The following ZFPM2 variants were observed in gnomAD, a reference collection of about 807,000 sequenced individuals.
ZFPM2 encodes the protein zinc finger protein ZFPM2.
A neutral mutation model predicts 98.6 loss-of-function variants in ZFPM2; 20 were observed. That is an observed-to-expected ratio of 0.20 (90% CI 0.14 to 0.29). ZFPM2 has a LOEUF of 0.29. Ranked by LOEUF, ZFPM2 falls within the 10% of genes least tolerant of loss-of-function variation. The probability of loss-of-function intolerance (pLI) is 1.00; values close to 1 mark genes in which losing one functional copy is unlikely to be tolerated. For synonymous variants in ZFPM2, 518 were observed against 502.7 expected, an observed-to-expected ratio of 1.03 and a Z score of -0.41; for missense variants, 1,310 against 1,388.6, an observed-to-expected ratio of 0.94 and a Z score of 0.90.
At chr8:105,753,624 A>G (rs1361770379) in intron 5 of ZFPM2, among the ~76,000 whole-genome samples, 1 of 152,028 alleles carries the variant, frequency 6.6e-6, no homozygotes, top group Non-Finnish European at 1.5e-5. Flanking sequence ...ACATGTAACC[A>G]AAAAAAAGTT....
intron 3 of ZFPM2, among the ~76,000 whole-genome samples, chr8:105,466,754 G>T (rs1272964522): frequency 2.6e-5 from 4 of 151,854 alleles, no homozygotes; most frequent in Non-Finnish European, 5.9e-5. Flanking sequence ...CAGGTGAAAT[G>T]ATTTTCTAAA....
intron 4 of ZFPM2, among the ~76,000 whole-genome samples, chr8:105,582,806 T>C (rs1244592778): frequency 6.6e-6 from 1 of 152,032 alleles, no homozygotes; most frequent in Non-Finnish European, 1.5e-5. Flanking sequence ...GTTGCCCCAA[T>C]TGGTTTCAAA....
intron 5 of ZFPM2, among the ~76,000 whole-genome samples, chr8:105,670,704 T>C (rs982038462): frequency 3.3e-5 from 5 of 152,124 alleles, no homozygotes; most frequent in African/African-American, 1.2e-4. Context: ...CTAAAATACA[T>C]ATTGCTTGCT....
At chr8:105,639,190 A>G (rs1816903866) in intron 5 of ZFPM2, among the ~76,000 whole-genome samples, 1 of 152,022 alleles carries the variant, frequency 6.6e-6, no homozygotes, top group Admixed American at 6.6e-5. Flanking sequence ...TCTTTACCTT[A>G]CCTTCTTATA....
At chr8:105,690,695 C>T (rs906796237) in intron 5 of ZFPM2, among the ~76,000 whole-genome samples, 11 of 152,052 alleles carry the variant, frequency 7.2e-5, no homozygotes, top group Non-Finnish European at 1.3e-4. Flanking sequence ...TAACTCACAC[C>T]GCAAATCCCC....
At chr8:105,537,136 A>G (rs981944944) in intron 3 of ZFPM2, among the ~76,000 whole-genome samples, 7 of 152,184 alleles carry the variant, frequency 4.6e-5, no homozygotes, top group African/African-American at 1.7e-4. Flanking sequence ...TTTTAAGACT[A>G]TAAAGCATTG....
At chr8:105,528,072 A>G (rs73304192) in intron 3 of ZFPM2, among the ~76,000 whole-genome samples, 18,196 of 152,170 alleles carry the variant, frequency 0.12, 1,876 homozygotes, top group African/African-American at 0.29. Flanking sequence ...TAGTAGGTAA[A>G]TAAAACATAG....
intron 5 of ZFPM2, chr8:105,785,357 T>A (rs935351029): frequency 6.6e-6 from 1 of 151,850 alleles, no homozygotes; most frequent in African/African-American, 2.4e-5. Flanking sequence ...ACTTGGACTT[T>A]GCAGTTGGAC....
chr8:105,318,847 C>T lies in ZFPM2; in HGVS notation c.-95C>T. On this transcript the variant is annotated 5_prime_UTR_variant, in exon 1 of 8. Transcript: ENST00000407775. ...CCGGCGGCGGGCCGAGCCTGGCCAG[C>T]GGCGGCGGCGGCGGCGGCGGCGGCG... is the stretch of plus-strand genomic sequence containing the variant. The T allele has an allele frequency of 1.8e-6, 1 of 562,650 alleles. No individual in the cohort carries two copies. The allele number at this position is 562,650 out of a possible 1,614,324, so 34.9% of individuals were successfully genotyped here. A position where few individuals can be genotyped will look rare whatever the true frequency, so the allele number is the denominator to read the frequency against.
chr8:105,702,318 C>G (rs1270776843), intron 5 of ZFPM2, among the ~76,000 whole-genome samples: 1 of 152,146 alleles, frequency 6.6e-6, no homozygotes, highest in Non-Finnish European at 1.5e-5. Flanking sequence ...TTAGGTCTTC[C>G]CATGAGAATA....
At chr8:105,550,514 A>G (rs1263760903) in intron 3 of ZFPM2, among the ~76,000 whole-genome samples, 1 of 152,180 alleles carries the variant, frequency 6.6e-6, no homozygotes, top group Non-Finnish European at 1.5e-5. Context: ...TAAAAATTAT[A>G]CCTACTCTTT....
chr8:105,590,821 CCACT>C (rs1376917888), intron 4 of ZFPM2, among the ~76,000 whole-genome samples: 1 of 152,044 alleles, frequency 6.6e-6, no homozygotes, highest in African/African-American at 2.4e-5. Flanking sequence ...TTACCAGCAC[CCACT>C]CAATCACTTT....
intron 4 of ZFPM2, among the ~76,000 whole-genome samples, chr8:105,608,588 T>G (rs1022245618): frequency 6.6e-6 from 1 of 150,550 alleles, no homozygotes; most frequent in African/African-American, 2.4e-5. Flanking sequence ...GAGTTTTTTT[T>G]TTTTTTTTTT....
At chr8:105,458,622 T>C (rs1812644265) in intron 3 of ZFPM2, among the ~76,000 whole-genome samples, 1 of 152,182 alleles carries the variant, frequency 6.6e-6, no homozygotes, top group Admixed American at 6.5e-5. Context: ...AATGATCGAG[T>C]ATCTGAAATT....
chr8:105,722,376 G>A (rs1375329673), intron 5 of ZFPM2, among the ~76,000 whole-genome samples: 2 of 151,688 alleles, frequency 1.3e-5, no homozygotes, highest in Non-Finnish European at 2.9e-5. Context: ...CCTTGGTTAT[G>A]ACTATAATTG....
intron 1 of ZFPM2, among the ~76,000 whole-genome samples, chr8:105,408,496 C>T (rs1811508874): frequency 6.6e-6 from 1 of 151,818 alleles, no homozygotes; most frequent in South Asian, 2.1e-4. Flanking sequence ...TGGCCCCCTT[C>T]GTCTTGTTAG....
intron 2 of ZFPM2, among the ~76,000 whole-genome samples, chr8:105,436,173 C>T (rs188772228): frequency 3.0e-4 from 46 of 152,080 alleles, no homozygotes; most frequent in African/African-American, 1.0e-3. Context: ...AAATAGTAAA[C>T]CTTAGGGAAA....
chr8:105,488,815 G>A (rs542597844), intron 3 of ZFPM2, among the ~76,000 whole-genome samples: 241 of 152,150 alleles, frequency 1.6e-3, no homozygotes, highest in Non-Finnish European at 2.8e-3. Context: ...AGAATTGGAG[G>A]AAAAGAGATT....
chr8:105,629,720 TC>T (rs1241253227), intron 4 of ZFPM2, among the ~76,000 whole-genome samples: 1 of 152,196 alleles, frequency 6.6e-6, no homozygotes, highest in Non-Finnish European at 1.5e-5. Flanking sequence ...GAGCTGAAGT[TC>T]CTGTTTCTTG....
Sources: allele counts gnomAD v4.1 joint callset (sites outside exome capture counted in the v4.1 genomes callset), GRCh38; gene constraint gnomAD v4.1.1; transcripts MANE v1.5; gene names NCBI Gene and HGNC (gene_info 2026-07-23, HGNC 2026-07-21).